The following PM20D2 variants were observed in gnomAD, a reference collection of about 807,000 sequenced individuals.
The protein encoded by PM20D2 is xaa-Arg dipeptidase.
A neutral mutation model predicts 42.9 loss-of-function variants in PM20D2; 33 were observed. That is an observed-to-expected ratio of 0.77 (90% confidence interval 0.58 to 1.03). PM20D2 has a LOEUF of 1.03. Ranked by LOEUF, PM20D2 falls within the 50% of genes least tolerant of loss-of-function variation. The pLI, the probability that PM20D2 is intolerant of heterozygous loss-of-function variation, is 0.00. For synonymous variants in PM20D2, 250 were observed against 228.2 expected (o/e 1.10, Z -0.86); for missense variants, 548 against 557.0 (o/e 0.98, Z 0.16).
chr6:89,151,234 C>T (rs200778469), intron 2 of PM20D2, among the ~76,000 whole-genome samples: 4 of 133,256 alleles, frequency 3.0e-5, no homozygotes, highest in Non-Finnish European at 4.7e-5. Context: ...CTTAAAAATT[C>T]TTTTTTTTTT....
the PM20D2 span, among the ~76,000 whole-genome samples, chr6:89,122,616 T>C: frequency 6.6e-6 from 1 of 152,232 alleles, no homozygotes; most frequent in South Asian, 2.1e-4. Flanking sequence ...AATTAACTAG[T>C]TTTGTTTATT....
At chr6:89,119,927 G>A in the PM20D2 span, among the ~76,000 whole-genome samples, 3 of 152,188 alleles carry the variant, frequency 2.0e-5, no homozygotes, top group Admixed American at 6.5e-5. Context: ...TTACAGGTGT[G>A]AGCCACTGTA....
At chr6:89,118,728 G>A in the PM20D2 span, among the ~76,000 whole-genome samples, 1 of 152,208 alleles carries the variant, frequency 6.6e-6, no homozygotes, top group Non-Finnish European at 1.5e-5. Context: ...TATGCGCCAG[G>A]CACTTAGCGT....
the PM20D2 span, among the ~76,000 whole-genome samples, chr6:89,101,666 C>G: frequency 1.4e-4 from 21 of 151,402 alleles, no homozygotes; most frequent in Middle Eastern, 3.2e-3. Context: ...CCACTGCACT[C>G]CAGCCCAGGT....
At chr6:89,118,909 GC>G in the PM20D2 span, among the ~76,000 whole-genome samples, 1 of 152,236 alleles carries the variant, frequency 6.6e-6, no homozygotes. Flanking sequence ...AAATGTTGTA[GC>G]CCATCCCCTT....
the PM20D2 span, among the ~76,000 whole-genome samples, chr6:89,121,535 C>T: frequency 6.6e-6 from 1 of 152,164 alleles, no homozygotes; most frequent in Non-Finnish European, 1.5e-5. Flanking sequence ...CTGCCTGTCC[C>T]TGGACTCATA....
At chr6:89,123,153 G>A in the PM20D2 span, among the ~76,000 whole-genome samples, 2 of 152,126 alleles carry the variant, frequency 1.3e-5, no homozygotes, top group Non-Finnish European at 2.9e-5. Context: ...AAAATCTTGG[G>A]GGGGTGTTTC....
the PM20D2 span, among the ~76,000 whole-genome samples, chr6:89,113,593 G>A: frequency 6.6e-6 from 1 of 152,160 alleles, no homozygotes; most frequent in Non-Finnish European, 1.5e-5. Context: ...ATAGATGTGA[G>A]CCACCGTGCC....
At chr6:89,131,890 T>G in the PM20D2 span, among the ~76,000 whole-genome samples, 6 of 152,162 alleles carry the variant, frequency 3.9e-5, no homozygotes, top group Admixed American at 2.6e-4. Flanking sequence ...TTCAGACTTG[T>G]CCAGTTGGCC....
the PM20D2 span, among the ~76,000 whole-genome samples, chr6:89,100,317 C>T: frequency 6.6e-6 from 1 of 152,102 alleles, no homozygotes; most frequent in Non-Finnish European, 1.5e-5. Flanking sequence ...AGGTAACAAC[C>T]CAGAAGGGCT....
chr6:89,119,790 C>T, the PM20D2 span, among the ~76,000 whole-genome samples: 13 of 152,286 alleles, frequency 8.5e-5, 1 homozygote, highest in African/African-American at 3.1e-4. Context: ...CACATGGCCT[C>T]CTGTCTTTCT....
At chr6:89,141,573 G>A (rs4707520), upstream of PM20D2, among the ~76,000 whole-genome samples, 40,542 of 151,758 alleles carry the variant, frequency 0.27, 5,523 homozygotes, top group Admixed American at 0.32. Flanking sequence ...ACCATGTTGG[G>A]CAGGCTGGTC....
At chr6:89,156,086 A>G (rs1421840299) in intron 4 of PM20D2, among the ~76,000 whole-genome samples, 1 of 151,790 alleles carries the variant, frequency 6.6e-6, no homozygotes, top group Admixed American at 6.6e-5. Context: ...AGGTTTCATC[A>G]TGTTGGCCAG....
the PM20D2 span, among the ~76,000 whole-genome samples, chr6:89,139,508 T>C: frequency 1.3e-5 from 2 of 152,140 alleles, no homozygotes; most frequent in African/African-American, 4.8e-5. Context: ...GCCACCCTTA[T>C]GACCTTATTT....
the PM20D2 span, chr6:89,098,027 A>G: frequency 1.3e-5 from 2 of 152,356 alleles, no homozygotes; most frequent in Admixed American, 6.5e-5. Context: ...TTAGGAGAGA[A>G]TGTATCTTTT....
chr6:89,108,176 C>CA, the PM20D2 span, among the ~76,000 whole-genome samples: 2 of 151,290 alleles, frequency 1.3e-5, no homozygotes, highest in Non-Finnish European at 2.9e-5. Flanking sequence ...GAAGGGGTAC[C>CA]AAAAAAAAGA....
rs752408754 is a variant in PM20D2 at position 89,146,112 on chromosome 6, G to GAGAGGGCGC, written c.-25_-17dup. On this transcript the variant is annotated 5_prime_UTR_variant, in exon 1 of 7. Coordinates refer to ENST00000275072, the MANE Select transcript of PM20D2 (RefSeq NM_001010853.3). The stretch of plus-strand genomic sequence containing the variant: ...GCTACCTGCGGCCGAGCCAGGGAGC[G>GAGAGGGCGC]AGAGGGCGCAGAGGGCAGCGGGCTT... 15 of 1,396,810 alleles carry GAGAGGGCGC rather than the reference G, an allele frequency of 1.1e-5. No individual in the cohort carries two copies. The Admixed American group carries it at 2.5e-4, about 23-fold the overall frequency. 86.5% of individuals were successfully genotyped at this position (1,396,810 alleles called of 1,614,324 possible).
chr6:89,165,066 T>G lies in PM20D2; in HGVS notation c.*2803T>G, dbSNP rs933741933. On this transcript the variant is annotated 3_prime_UTR_variant, in exon 7 of 7. Transcript: ENST00000275072. The stretch of plus-strand genomic sequence containing the variant: ...ATCTGAAAGCTACCATCTTGAAAAT[T>G]TTTGAGGAAGTGTTTCTGAAATATT... The G allele has an allele frequency of 3.3e-5, 5 of 151,978 alleles. No individual in the cohort carries two copies. The highest frequency in any genetic ancestry group is 1.2e-4 in the African/African-American group (5 of 41,404). 9.4% of individuals were successfully genotyped at this position (151,978 alleles called of 1,614,324 possible).
chr6:89,140,267 C>T, the PM20D2 span, among the ~76,000 whole-genome samples: 1 of 152,024 alleles, frequency 6.6e-6, no homozygotes, highest in Non-Finnish European at 1.5e-5. Context: ...ATTTTTAGAA[C>T]ACACATATTT....
Sources: allele counts gnomAD v4.1 joint callset (sites outside exome capture counted in the v4.1 genomes callset), GRCh38; gene constraint gnomAD v4.1.1; transcripts MANE v1.5; gene names NCBI Gene and HGNC (gene_info 2026-07-23, HGNC 2026-07-21).